NFIC: variants seen among roughly 807,000 people sequenced by gnomAD.
The protein encoded by NFIC is nuclear factor I C.
Under a neutral mutation model 54.4 loss-of-function variants are expected in NFIC, and 12 were observed. That is an observed-to-expected ratio of 0.22 (90% CI 0.14 to 0.36). NFIC has a LOEUF of 0.36. NFIC is among the 10% of genes least tolerant of loss of function. The pLI is 1.00. For missense variants in NFIC, 575 were observed against 718.2 expected (o/e 0.80, Z 2.28); for synonymous variants, 322 against 319.2 (o/e 1.01, Z -0.09).
At chr19:3,411,527 C>T (rs957967193) in intron 2 of NFIC, among the ~76,000 whole-genome samples, 20 of 151,810 alleles carry the variant, frequency 1.3e-4, no homozygotes, top group African/African-American at 4.6e-4. Flanking sequence ...CAGGTTTCAC[C>T]GTGTCGGTCA....
In NFIC at chr19:3,384,782, G is replaced by C. The variant is rs997741143; in HGVS notation, c.562+2539G>C. On this transcript the variant is annotated intron_variant, in intron 2 of 10. Transcript: ENST00000443272. Reference sequence around the variant, plus strand: ...ATGAGCAACAAACCTGCTGGGGTTGGCTGTGAGGGGGCACTGGGGACGGTG... The same window carrying C: ...ATGAGCAACAAACCTGCTGGGGTTGCCTGTGAGGGGGCACTGGGGACGGTG... Among the ~76,000 whole-genome samples the C allele has an allele frequency of 2.0e-5, 3 of 152,152 alleles. No homozygotes were observed. In the East Asian group the frequency reaches 5.8e-4, roughly 30 times the overall value.
upstream of NFIC, among the ~76,000 whole-genome samples, chr19:3,365,498 C>T (rs2080868354): frequency 6.6e-6 from 1 of 152,146 alleles, no homozygotes; most frequent in South Asian, 2.1e-4. Flanking sequence ...GGTTGGGGCC[C>T]TGTCATCAGA....
In NFIC at chr19:3,402,998, C is replaced by T. The variant is rs545950423; in HGVS notation, c.562+20755C>T. 2.2e-4 allele frequency among the ~76,000 whole-genome samples: 34 copies of T among 152,286 alleles called. No individual in the cohort carries two copies. The South Asian group carries it at 6.8e-3, about 31-fold the overall frequency. On this transcript the variant is annotated intron_variant, in intron 2 of 10. Coordinates refer to ENST00000443272, the MANE Select transcript of NFIC (RefSeq NM_001245002.2). ...CTCTTAATGTTCCTCACATTCCTTT[C>T]CCTGACAAGCATTTATTTTGCACCT...
In NFIC at chr19:3,434,395, C is replaced by T. The variant is rs1043249739; in HGVS notation, c.828C>T (p.Ser276=). The T allele has an allele frequency of 3.1e-6, 5 of 1,605,348 alleles. No individual in the cohort carries two copies. In the African/African-American group the frequency reaches 6.7e-5, roughly 21 times the overall value. ...GAAGAACGCTGCCCAGCACCTCCTC[C>T]AGTGGGTAAGTACCCAGGTCCCCAC... is the stretch of plus-strand genomic sequence containing the variant. The part of the protein sequence containing the change: ...GLRRTLPSTS[S]SGSKRHKSGS... Residue 276 remains serine, a synonymous_variant, in exon 5 of 11, where the codon TCC becomes TCT. Coordinates refer to ENST00000443272, the MANE Select transcript of NFIC (RefSeq NM_001245002.2).
intron 2 of NFIC, among the ~76,000 whole-genome samples, chr19:3,402,788 A>G (rs570613232): frequency 1.3e-5 from 2 of 152,292 alleles, no homozygotes; most frequent in African/African-American, 4.8e-5. Context: ...GACAGAGGGA[A>G]CAGAATGTGC....
At chr19:3,401,663 C>T (rs568186879) in intron 2 of NFIC, among the ~76,000 whole-genome samples, 1 of 152,224 alleles carries the variant, frequency 6.6e-6, no homozygotes, top group Admixed American at 6.5e-5. Context: ...GGGCTCTGGG[C>T]TCCTGCCAGG....
Position 3,464,565 on chromosome 19 carries a change from G to T in NFIC, c.*1796G>T, listed in dbSNP as rs1344250642. 4 of 964,906 alleles carry T rather than the reference G, an allele frequency of 4.1e-6. No individual in the cohort carries two copies. Among genetic ancestry groups the T allele is most frequent in the Non-Finnish European group, 4.9e-6 (4 of 814,132 alleles). The allele number at this position is 964,906 out of a possible 1,614,324, so 59.8% of individuals were successfully genotyped here. A position where few individuals can be genotyped will look rare whatever the true frequency, so the allele number is the denominator to read the frequency against. On this transcript the variant is annotated 3_prime_UTR_variant, in exon 11 of 11. Transcript: ENST00000443272. ...GCCCCAACTGACCTCCATGCCTAGG[G>T]AAAAACTCCCCCCACCACTGCCCCC...
rs2080993781 is a variant in NFIC at position 3,370,785 on chromosome 19, T to C, written c.30+4119T>C. On this transcript the variant is annotated intron_variant, in intron 1 of 10. Coordinates refer to ENST00000443272, the MANE Select transcript of NFIC (RefSeq NM_001245002.2). The surrounding 1 kb of genome is among the most constrained non-coding windows in gnomAD (Gnocchi z 5.2). ...CTCTGAGCTGGCCTCCCTCCCTGTC[T>C]CACACCAAATGGATGGGAAATGCTG... Among the ~76,000 whole-genome samples the C allele has an allele frequency of 6.6e-6, 1 of 152,048 alleles. No homozygotes were observed. The highest frequency in any genetic ancestry group is 2.4e-5 in the African/African-American group (1 of 41,374).
At chr19:3,429,134 TATACACAC>T (rs1436184176) in intron 3 of NFIC, among the ~76,000 whole-genome samples, 13 of 67,202 alleles carry the variant, frequency 1.9e-4, no homozygotes, top group Middle Eastern at 0.016. Context: ...AAAAAAAAAA[TATACACAC>T]ACACACACAC....
intron 3 of NFIC, among the ~76,000 whole-genome samples, chr19:3,429,623 G>T (rs926710771): frequency 6.6e-6 from 1 of 152,020 alleles, no homozygotes; most frequent in African/African-American, 2.4e-5. Context: ...GGGGACTGGC[G>T]GGGGTTTGGG....
intron 10 of NFIC, among the ~76,000 whole-genome samples, chr19:3,461,829 G>A (rs1262670488): frequency 2.6e-5 from 4 of 152,138 alleles, no homozygotes; most frequent in African/African-American, 9.7e-5. Context: ...GCCGAGGCGG[G>A]CGGATCACGA....
At position 3,463,615 on chromosome 19, in the gene NFIC, C is replaced by T; in HGVS notation, c.*846C>T. Reference sequence around the variant, plus strand: ...GGAGGAGAAGTCTCTATGCAATTGGCCCCGGCCCCTCCACCCCCCACCCCC... The same window carrying T: ...GGAGGAGAAGTCTCTATGCAATTGGTCCCGGCCCCTCCACCCCCCACCCCC... On this transcript the variant is annotated 3_prime_UTR_variant, in exon 11 of 11. Coordinates refer to ENST00000443272, the MANE Select transcript of NFIC (RefSeq NM_001245002.2). 1 of 454,842 alleles carries T rather than the reference C, an allele frequency of 2.2e-6. No homozygotes were observed. Among genetic ancestry groups the T allele is most frequent in the South Asian group, 9.9e-5 (1 of 10,142 alleles). 28.2% of individuals were successfully genotyped at this position (454,842 alleles called of 1,614,324 possible).
exon 1 of NFIC, chr19:3,359,671 C>G: frequency 7.1e-7 from 1 of 1,411,180 alleles, no homozygotes; most frequent in Non-Finnish European, 9.4e-7. Context: ...CTCGCCTCCT[C>G]GCAGCAGCGC....
intron 6 of NFIC, among the ~76,000 whole-genome samples, chr19:3,448,460 G>T (rs574188676): frequency 3.3e-5 from 5 of 152,296 alleles, no homozygotes; most frequent in African/African-American, 1.2e-4. Flanking sequence ...GTCCCAGGCA[G>T]CCTGGGAGGT....
chr19:3,466,394 C>T lies in NFIC; in HGVS notation c.*3625C>T, dbSNP rs182718334. The T allele has an allele frequency of 6.6e-6, 1 of 152,354 alleles. No homozygotes were observed. The highest frequency in any genetic ancestry group is 1.9e-4 in the East Asian group (1 of 5,190). 9.4% of individuals were successfully genotyped at this position (152,354 alleles called of 1,614,324 possible). On this transcript the variant is annotated 3_prime_UTR_variant, in exon 11 of 11. Coordinates refer to ENST00000443272, the MANE Select transcript of NFIC (RefSeq NM_001245002.2). The surrounding 1 kb of genome is among the most constrained non-coding windows in gnomAD (Gnocchi z 4.8). Reference sequence around the variant, plus strand: ...GCAGCCCTCACCACCTCCAGCCCCTCCAAGCATCTCGTGTAGGGACCCACG... The same window carrying T: ...GCAGCCCTCACCACCTCCAGCCCCTTCAAGCATCTCGTGTAGGGACCCACG...
In NFIC at chr19:3,453,499, G is replaced by T. The variant is rs73919188; in HGVS notation, c.1270-264G>T. On this transcript the variant is annotated intron_variant, in intron 8 of 10. Coordinates refer to ENST00000443272, the MANE Select transcript of NFIC (RefSeq NM_001245002.2). This position sits in a 1 kb window ranked among gnomAD's most constrained non-coding sequence, Gnocchi z 6.7. ...TTGGAAGGAAATCAGTCGAGTTGGCGTGCAGGGGGTTTACAGAGGAGATGC... is the reference window on the plus strand; with the variant it reads ...TTGGAAGGAAATCAGTCGAGTTGGCTTGCAGGGGGTTTACAGAGGAGATGC... 0.11 allele frequency among the ~76,000 whole-genome samples: 16,798 copies of T among 152,208 alleles called. 1,133 individuals carry two copies. Among genetic ancestry groups the T allele is most frequent in the South Asian group, 0.25 (1,220 of 4,820 alleles).
At chr19:3,427,091 TA>T (rs1020818620) in intron 3 of NFIC, among the ~76,000 whole-genome samples, 9 of 151,476 alleles carry the variant, frequency 5.9e-5, no homozygotes, top group African/African-American at 1.9e-4. Flanking sequence ...CACACCCGGG[TA>T]ATTTTTTGTA....
rs2082614870 is a variant in NFIC, at chr19:3,459,849, G to A, written c.1510-2903G>A. Among the ~76,000 whole-genome samples the A allele has an allele frequency of 6.6e-6, 1 of 152,250 alleles. No individual in the cohort carries two copies. The highest frequency in any genetic ancestry group is 1.5e-5 in the Non-Finnish European group (1 of 68,046). On this transcript the variant is annotated intron_variant, in intron 10 of 10. Coordinates refer to ENST00000443272, the MANE Select transcript of NFIC (RefSeq NM_001245002.2). The surrounding 1 kb of genome is among the most constrained non-coding windows in gnomAD (Gnocchi z 4.2). Reference sequence around the variant, plus strand: ...CGCCAGTTCCATGGGCTGGCCCAGTGGCTGCCTGGTTGGAGGGGCTCTGTT... The same window carrying A: ...CGCCAGTTCCATGGGCTGGCCCAGTAGCTGCCTGGTTGGAGGGGCTCTGTT...
intron 7 of NFIC, among the ~76,000 whole-genome samples, chr19:3,451,632 T>TAAAAAAAAAAAAAAA (rs542068323): frequency 5.3e-5 from 7 of 131,568 alleles, no homozygotes; most frequent in African/African-American, 1.9e-4. Flanking sequence ...TTCTATCTCT[T>TAAAAAAAAAAAAAAA]AAAAAAAAAA....
Sources: gnomAD v4.1 joint callset for allele counts (sites outside exome capture counted in the v4.1 genomes callset) on GRCh38, gnomAD v4.1.1 for gene constraint, Gnocchi (gnomAD v3.1) non-coding constraint, MANE v1.5 for transcripts, NCBI Gene and HGNC (gene_info 2026-07-23, HGNC 2026-07-21) for gene names.